The following H2BC5 variants were observed in gnomAD, a reference collection of about 807,000 sequenced individuals.
H2BC5 encodes histone H2B type 1-D.
In H2BC5, 9 loss-of-function variants were observed where a neutral mutation model predicts 5.7. The observed-to-expected ratio is 1.57, with a 90% CI of 0.95 to 2.74. H2BC5 has a LOEUF of 2.74. Among genes scored for constraint, H2BC5 ranks in the 30% most tolerant of loss-of-function variants. The pLI is 0.00. For missense variants in H2BC5, 175 were observed against 168.8 expected, an observed-to-expected ratio of 1.04 and a Z score of -0.20; for synonymous variants, 133 against 70.9, an observed-to-expected ratio of 1.88 and a Z score of -4.40.
At position 26,168,015 on chromosome 6, in the gene H2BC5, G is replaced by C. The variant is rs147612899; in HGVS notation, c.*10-2960G>C. Among the ~76,000 whole-genome samples, 692 of 152,050 alleles carry C rather than the reference G, an allele frequency of 4.6e-3. 1 individual carries two copies. The highest frequency in any genetic ancestry group is 7.7e-3 in the Admixed American group (118 of 15,280). ...AAAAAAAAAGCAACGTCAAATACTT[G>C]AATGAGCTTGTATTATAACATTAAT... On this transcript the variant is annotated intron_variant, in intron 1 of 1. Coordinates refer to the H2BC5 transcript ENST00000289316.
chr6:26,159,105 C>T (rs995099910), downstream of H2BC5, among the ~76,000 whole-genome samples: 2 of 152,156 alleles, frequency 1.3e-5, no homozygotes, highest in Non-Finnish European at 2.9e-5. Flanking sequence ...GGGCCAGTTT[C>T]TGTCTGAAGC....
exon 2 of H2BC5, chr6:26,171,026 A>G (rs1185715392): frequency 1.3e-5 from 2 of 152,228 alleles, no homozygotes; most frequent in African/African-American, 4.8e-5. Context: ...AACTGATAAT[A>G]TGAATCTATA....
At position 26,158,267 on chromosome 6, in the gene H2BC5, G is replaced by T; in HGVS notation, c.98G>T (p.Ser33Ile). 6.2e-7 allele frequency: 1 copy of T among 1,614,268 alleles called. No individual in the cohort carries two copies. Among genetic ancestry groups the T allele is most frequent in the Non-Finnish European group, 8.5e-7 (1 of 1,180,054 alleles). ...QKKDGKKRKR[S>I]RKESYSVYVY... ...AAGGACGGGAAGAAGCGCAAGCGCA[G>T]CCGCAAGGAGAGCTATTCAGTGTAT... The change falls in exon 1 of 1, where the codon AGC becomes ATC. Residue 33 changes from serine to isoleucine, a missense_variant. By Grantham distance (142) the Ser-to-Ile change is moderately radical. This residue lies in a region of H2BC5 where 119 missense variants were observed against 85.6 expected (regional missense o/e 1.39). Coordinates refer to ENST00000377777, the MANE Select transcript of H2BC5 (RefSeq NM_021063.4).
chr6:26,164,829 A>G (rs1433575124), intron 1 of H2BC5, among the ~76,000 whole-genome samples: 3 of 151,856 alleles, frequency 2.0e-5, no homozygotes, highest in Non-Finnish European at 4.4e-5. Context: ...CGGCACCTTG[A>G]TCTTGTAGGG....
intron 1 of H2BC5, among the ~76,000 whole-genome samples, chr6:26,167,214 C>G (rs1432020988): frequency 1.3e-5 from 2 of 152,160 alleles, no homozygotes; most frequent in Non-Finnish European, 2.9e-5. Flanking sequence ...TACCCACTAT[C>G]CTCCCCTGGG....
intron 1 of H2BC5, among the ~76,000 whole-genome samples, chr6:26,169,673 C>G (rs1288940008): frequency 6.6e-6 from 1 of 151,860 alleles, no homozygotes; most frequent in Non-Finnish European, 1.5e-5. Flanking sequence ...GAAGCAAACT[C>G]CTACTAAAAA....
downstream of H2BC5, among the ~76,000 whole-genome samples, chr6:26,159,966 A>AG (rs1243809790): frequency 1.3e-5 from 2 of 152,244 alleles, no homozygotes; most frequent in Non-Finnish European, 2.9e-5. Flanking sequence ...ACCAGGGTAT[A>AG]GAGCCTGATA....
downstream of H2BC5, among the ~76,000 whole-genome samples, chr6:26,162,062 T>C (rs1321138804): frequency 6.6e-6 from 1 of 152,222 alleles, no homozygotes; most frequent in Non-Finnish European, 1.5e-5. Context: ...CTATGTGTGC[T>C]GTGAATTAAT....
At chr6:26,164,147 G>A in intron 1 of H2BC5, 3 of 446,206 alleles carry the variant, frequency 6.7e-6, no homozygotes, top group South Asian at 1.9e-5. Context: ...GGGTGAGGAG[G>A]CCAACCACAA....
chr6:26,158,978 G>T (rs1184467077), downstream of H2BC5, among the ~76,000 whole-genome samples: 2 of 151,982 alleles, frequency 1.3e-5, no homozygotes, highest in African/African-American at 4.8e-5. Flanking sequence ...CACCACCCCC[G>T]CCCATTTTCT....
At chr6:26,169,383 A>G (rs1447022187) in intron 1 of H2BC5, among the ~76,000 whole-genome samples, 1 of 152,190 alleles carries the variant, frequency 6.6e-6, no homozygotes, top group East Asian at 1.9e-4. Flanking sequence ...GTCTTTCACT[A>G]AAGCCTAAAA....
intron 1 of H2BC5, among the ~76,000 whole-genome samples, chr6:26,165,220 A>T (rs1438886779): frequency 6.6e-6 from 1 of 152,112 alleles, no homozygotes; most frequent in Non-Finnish European, 1.5e-5. Context: ...GAAATACCCA[A>T]ATGTCTGTTT....
At chr6:26,170,653 G>A (rs1212179744) in intron 1 of H2BC5, among the ~76,000 whole-genome samples, 3 of 152,152 alleles carry the variant, frequency 2.0e-5, no homozygotes, top group Non-Finnish European at 2.9e-5. Flanking sequence ...TTTTCACTGA[G>A]TTAAAATAAA....
downstream of H2BC5, among the ~76,000 whole-genome samples, chr6:26,162,596 C>T (rs1285088754): frequency 6.6e-6 from 1 of 152,180 alleles, no homozygotes; most frequent in African/African-American, 2.4e-5. Context: ...GGCTGGAGCG[C>T]AGTGGCCGGA....
At chr6:26,168,744 G>T (rs888923967) in intron 1 of H2BC5, among the ~76,000 whole-genome samples, 12 of 151,976 alleles carry the variant, frequency 7.9e-5, no homozygotes, top group Admixed American at 7.2e-4. Context: ...ATAATATCCT[G>T]ATGGACTTTT....
chr6:26,158,178 A>G lies in H2BC5; in HGVS notation c.9A>G (p.Glu3=). MP[E]PTKSAPAPKK... ...TAACTATTAACGCTACGATGCCTGA[A>G]CCTACCAAGTCTGCTCCTGCCCCAA... Residue 3 remains glutamate, a synonymous_variant, in exon 1 of 1, where the codon GAA becomes GAG. Coordinates refer to ENST00000377777, the MANE Select transcript of H2BC5 (RefSeq NM_021063.4). The G allele has an allele frequency of 5.0e-6, 8 of 1,613,802 alleles. No individual in the cohort carries two copies. The highest frequency in any genetic ancestry group is 6.8e-6 in the Non-Finnish European group (8 of 1,179,900).
chr6:26,163,557 T>G (rs1764380340), downstream of H2BC5: 1 of 152,192 alleles, frequency 6.6e-6, no homozygotes, highest in Non-Finnish European at 1.5e-5. Flanking sequence ...CCTTCCAAGG[T>G]GGCACACTCG....
chr6:26,169,845 G>C (rs751767202), intron 1 of H2BC5, among the ~76,000 whole-genome samples: 13 of 151,884 alleles, frequency 8.6e-5, no homozygotes, highest in Non-Finnish European at 1.5e-4. Context: ...TGTAGTCCTT[G>C]AGCCAAGAGG....
chr6:26,158,732 T>C (rs2113832012), downstream of H2BC5: 3 of 1,003,772 alleles, frequency 3.0e-6, no homozygotes, highest in South Asian at 5.2e-5. Flanking sequence ...TTACAGGGAA[T>C]AACAATAGGT....
Sources: gnomAD v4.1 joint callset for allele counts (sites outside exome capture counted in the v4.1 genomes callset) on GRCh38, gnomAD v4.1.1 for gene constraint, gnomAD v4.1.1 regional missense constraint, MANE v1.5 for transcripts, NCBI Gene and HGNC (gene_info 2026-07-23, HGNC 2026-07-21) for gene names.